Variants in ELL2 observed in about 807,000 individuals in gnomAD.
ELL2 encodes the protein RNA polymerase II elongation factor ELL2.
Under a neutral mutation model 72.8 loss-of-function variants are expected in ELL2, and 21 were observed. The observed-to-expected ratio is 0.29, with a 90% CI of 0.20 to 0.42. The LOEUF is 0.42. ELL2 is among the 10% of genes least tolerant of loss of function. The pLI is 1.00. For missense variants in ELL2, 568 were observed against 772.8 expected (o/e 0.73, Z 3.14); for synonymous variants, 266 against 283.2 (o/e 0.94, Z 0.61).
intron 5 of ELL2, among the ~76,000 whole-genome samples, chr5:95,903,896 T>A (rs1156759609): frequency 6.6e-6 from 1 of 152,194 alleles, no homozygotes; most frequent in Non-Finnish European, 1.5e-5. Flanking sequence ...AATGGCTCAA[T>A]ATCCATTCAA....
At chr5:95,890,982 C>T (rs761350312) in intron 10 of ELL2, 121 bp downstream of exon 10, 45 of 1,092,346 alleles carry the variant, frequency 4.1e-5, no homozygotes, top group African/African-American at 2.9e-4. Context: ...AAAGCAGCAG[C>T]GAGGCTGGTC....
intron 1 of ELL2, among the ~76,000 whole-genome samples, chr5:95,952,463 T>TA (rs554480619): frequency 1.3e-4 from 20 of 150,218 alleles, no homozygotes; most frequent in Non-Finnish European, 2.5e-4. Flanking sequence ...AAATAAAAGT[T>TA]AAAAAAAAAA....
chr5:95,921,449 C>T (rs1397846788), intron 2 of ELL2, among the ~76,000 whole-genome samples: 1 of 152,136 alleles, frequency 6.6e-6, no homozygotes, highest in African/African-American at 2.4e-5. Flanking sequence ...CTTTTGAGGG[C>T]CCTAACGTTA....
At chr5:95,923,042 A>G (rs1221869325) in intron 2 of ELL2, among the ~76,000 whole-genome samples, 2 of 152,154 alleles carry the variant, frequency 1.3e-5, no homozygotes, top group African/African-American at 2.4e-5. Context: ...CAGTAGGGCC[A>G]AGGCTGATAA....
intron 1 of ELL2, among the ~76,000 whole-genome samples, chr5:95,959,702 T>C (rs1435657810): frequency 6.6e-6 from 1 of 152,198 alleles, no homozygotes; most frequent in Non-Finnish European, 1.5e-5. Context: ...TCACTGTATG[T>C]AGGACGGTAC....
chr5:95,950,302 T>G (rs1281954500), intron 1 of ELL2, among the ~76,000 whole-genome samples: 1 of 152,222 alleles, frequency 6.6e-6, no homozygotes, highest in African/African-American at 2.4e-5. Flanking sequence ...CACTTTTTTC[T>G]TTGTTCTTTA....
At chr5:95,927,628 C>T (rs1473767393) in intron 2 of ELL2, among the ~76,000 whole-genome samples, 1 of 35,964 alleles carries the variant, frequency 2.8e-5, no homozygotes, top group Non-Finnish European at 4.7e-5. Context: ...TATAGACATA[C>T]ACACACACGT....
chr5:95,936,264 T>G (rs1433550032), intron 2 of ELL2, among the ~76,000 whole-genome samples: 3 of 152,196 alleles, frequency 2.0e-5, no homozygotes, highest in Admixed American at 6.5e-5. Flanking sequence ...AGGTCAGAGG[T>G]TACCCAGAAA....
In ELL2 at chr5:95,885,104, A is replaced by C. The variant is rs1748422315; in HGVS notation, c.*3767T>G. The C allele has an allele frequency of 6.6e-6, 1 of 152,224 alleles. No individual in the cohort carries two copies. Among genetic ancestry groups the C allele is most frequent in the Admixed American group, 6.5e-5 (1 of 15,280 alleles). The allele number at this position is 152,224 out of a possible 1,614,324, so 9.4% of individuals were successfully genotyped here. ...GGAAAAACAAGTACCAGAATTGCAA[A>C]GTTAACATTTTTATTGAACTGAAAT... On this transcript the variant is annotated 3_prime_UTR_variant, in exon 12 of 12. Transcript: ENST00000237853.
chr5:95,917,051 G>A (rs1481594653), intron 3 of ELL2, among the ~76,000 whole-genome samples: 2 of 152,180 alleles, frequency 1.3e-5, no homozygotes, highest in Non-Finnish European at 2.9e-5. Context: ...CTTCTCAACC[G>A]AGTTACCCTG....
intron 5 of ELL2, among the ~76,000 whole-genome samples, chr5:95,903,208 C>CT (rs35628427): frequency 0.28 from 15,729 of 56,166 alleles, 4,626 homozygotes; most frequent in East Asian, 0.45. Context: ...CTCTTAGGAC[C>CT]TTTTTTTTTT....
intron 8 of ELL2, among the ~76,000 whole-genome samples, chr5:95,896,910 T>G (rs1329719865): frequency 1.3e-5 from 2 of 152,180 alleles, no homozygotes; most frequent in Non-Finnish European, 2.9e-5. Context: ...AAGCACCACC[T>G]GAGGGTGGAA....
At chr5:95,922,870 T>A (rs1309952883) in intron 2 of ELL2, among the ~76,000 whole-genome samples, 1 of 152,240 alleles carries the variant, frequency 6.6e-6, no homozygotes, top group Non-Finnish European at 1.5e-5. Flanking sequence ...AAATTTGTGT[T>A]ACACATAGAT....
chr5:95,943,330 T>G (rs1447045952), intron 1 of ELL2, among the ~76,000 whole-genome samples: 1 of 152,048 alleles, frequency 6.6e-6, no homozygotes, highest in Non-Finnish European at 1.5e-5. Context: ...TGTGAAAATC[T>G]CTTTTCATTA....
chr5:95,955,020 C>T (rs1751579754), intron 1 of ELL2, among the ~76,000 whole-genome samples: 1 of 152,206 alleles, frequency 6.6e-6, no homozygotes, highest in African/African-American at 2.4e-5. Flanking sequence ...TTAAACTCAA[C>T]TACATTTTTC....
At chr5:95,937,898 A>G (rs1750835067) in intron 2 of ELL2, among the ~76,000 whole-genome samples, 1 of 152,132 alleles carries the variant, frequency 6.6e-6, no homozygotes, top group African/African-American at 2.4e-5. Flanking sequence ...CTAAGAAGGT[A>G]TGGCAGTGCG....
chr5:95,955,752 A>T (rs1751606320), intron 1 of ELL2, among the ~76,000 whole-genome samples: 1 of 152,108 alleles, frequency 6.6e-6, no homozygotes, highest in Non-Finnish European at 1.5e-5. Context: ...TGTTTTCTTT[A>T]TTGTAAGACT....
intron 4 of ELL2, among the ~76,000 whole-genome samples, chr5:95,911,440 C>T (rs1580496520): frequency 3.3e-5 from 5 of 152,040 alleles, no homozygotes; most frequent in Admixed American, 2.0e-4. Context: ...CGGATTCAAG[C>T]GATACTCCTG....
In ELL2 at chr5:95,887,388, T is replaced by C. The variant is rs1748501417; in HGVS notation, c.*1483A>G. On this transcript the variant is annotated 3_prime_UTR_variant, in exon 12 of 12. Transcript: ENST00000237853. ...CAGTGATACACAACAAAGTTATTCA[T>C]TTATTTTTCTGGATGCTGGAGACAA... The C allele has an allele frequency of 6.6e-6, 1 of 152,652 alleles. No homozygotes were observed. Among genetic ancestry groups the C allele is most frequent in the African/African-American group, 2.4e-5 (1 of 41,456 alleles). 9.5% of individuals were successfully genotyped at this position (152,652 alleles called of 1,614,324 possible). A position where few individuals can be genotyped will look rare whatever the true frequency, so the allele number is the denominator to read the frequency against.
Sources: allele counts gnomAD v4.1 joint callset (sites outside exome capture counted in the v4.1 genomes callset), GRCh38; gene constraint gnomAD v4.1.1; transcripts MANE v1.5; gene names NCBI Gene and HGNC (gene_info 2026-07-23, HGNC 2026-07-21).